Variants in TDRD1 observed in about 807,000 individuals in gnomAD.
TDRD1 encodes tudor domain-containing protein 1.
In TDRD1, 37 loss-of-function variants were observed where a neutral mutation model predicts 140.6. That is an observed-to-expected ratio of 0.26 (90% CI 0.20 to 0.35). The LOEUF (loss-of-function observed/expected upper bound fraction) is 0.35, where lower values mean the gene tolerates loss of function less well. TDRD1 is among the 10% of genes least tolerant of loss of function. The probability of loss-of-function intolerance (pLI) is 1.00; values close to 1 mark genes in which losing one functional copy is unlikely to be tolerated. For missense variants in TDRD1, 1,243 were observed against 1,393.0 expected (o/e 0.89, Z 1.71); for synonymous variants, 506 against 475.7 (o/e 1.06, Z -0.83).
At chr10:114,194,865 C>G (rs2034235304) in intron 3 of TDRD1, among the ~76,000 whole-genome samples, 1 of 144,136 alleles carries the variant, frequency 6.9e-6, no homozygotes. Context: ...CTCAAGCAAT[C>G]CCATTTGCTG....
At chr10:114,188,269 C>T in intron 2 of TDRD1, 113 bp downstream of exon 2, 5 of 865,924 alleles carry the variant, frequency 5.8e-6, no homozygotes, top group East Asian at 2.6e-5. Context: ...CACATGACTA[C>T]CTTACCGTAT....
chr10:114,183,031 T>G (rs1384896394), intron 1 of TDRD1, among the ~76,000 whole-genome samples: 1 of 152,160 alleles, frequency 6.6e-6, no homozygotes, highest in African/African-American at 2.4e-5. Flanking sequence ...AGCACCATGG[T>G]GGATATTGCA....
At chr10:114,207,635 T>C (rs1158550799) in intron 11 of TDRD1, among the ~76,000 whole-genome samples, 1 of 152,046 alleles carries the variant, frequency 6.6e-6, no homozygotes, top group Non-Finnish European at 1.5e-5. Context: ...CCGTAGGTTC[T>C]GGTGCAATAG....
At chr10:114,177,862 T>C (rs193084435), upstream of TDRD1, among the ~76,000 whole-genome samples, 271 of 150,262 alleles carry the variant, frequency 1.8e-3, 4 homozygotes, top group African/African-American at 6.2e-3. Flanking sequence ...GAGACAGTCT[T>C]GCTCTGTTGC....
chr10:114,210,017 T>C (rs2035379716), intron 11 of TDRD1, among the ~76,000 whole-genome samples: 1 of 152,214 alleles, frequency 6.6e-6, no homozygotes, highest in South Asian at 2.1e-4. Flanking sequence ...TTTTCTCTTC[T>C]GAGATACTTT....
intron 20 of TDRD1, 127 bp from the exon 21 acceptor site, chr10:114,222,460 T>C (rs994607724): frequency 4.6e-6 from 2 of 432,488 alleles, no homozygotes; most frequent in Non-Finnish European, 8.1e-6. Flanking sequence ...TATATACATG[T>C]ATATATTTTA....
exon 8 of TDRD1, chr10:114,203,532 G>A (rs755149187): frequency 3.7e-6 from 6 of 1,611,114 alleles, no homozygotes; most frequent in Middle Eastern, 1.7e-4. Context: ...TCCTGTTAAG[G>A]GGGAAGTTTG....
At chr10:114,176,150 T>G (rs2032691481), upstream of TDRD1, among the ~76,000 whole-genome samples, 1 of 152,118 alleles carries the variant, frequency 6.6e-6, no homozygotes, top group African/African-American at 2.4e-5. The surrounding 1 kb of genome is among the most constrained non-coding windows in gnomAD (Gnocchi z 4.2). Context: ...CTGGCACCAC[T>G]TGAACCTACT....
At chr10:114,204,722 G>A (rs759242867) in exon 10 of TDRD1, 1 of 1,575,480 alleles carries the variant, frequency 6.3e-7, no homozygotes, top group South Asian at 1.2e-5. Context: ...AATTTTTCAG[G>A]CCATAAAGTG....
chr10:114,204,597 C>G, intron 9 of TDRD1, 125 bp from the exon 10 acceptor site: 1 of 937,278 alleles, frequency 1.1e-6, no homozygotes, highest in Non-Finnish European at 1.5e-6. Flanking sequence ...AATTGTCTAT[C>G]TGATTAGTAC....
intron 3 of TDRD1, among the ~76,000 whole-genome samples, chr10:114,195,897 A>G (rs890532556): frequency 6.6e-6 from 1 of 152,074 alleles, no homozygotes; most frequent in East Asian, 1.9e-4. Flanking sequence ...TCAAGTGTGT[A>G]TCTTTGTATA....
At chr10:114,175,262 G>A (rs371353952), upstream of TDRD1, among the ~76,000 whole-genome samples, 1 of 152,114 alleles carries the variant, frequency 6.6e-6, no homozygotes, top group East Asian at 1.9e-4. Context: ...GAAACCTTAA[G>A]CTGTTTTCGG....
intron 6 of TDRD1, among the ~76,000 whole-genome samples, chr10:114,202,696 A>G (rs79972777): frequency 0.031 from 4,770 of 152,336 alleles, 114 homozygotes; most frequent in Admixed American, 0.047. Flanking sequence ...GTATTTATGA[A>G]TAATTTTTAG....
At chr10:114,188,195 A>T (rs751785776) in intron 2 of TDRD1, 39 bp downstream of exon 2, 3 of 1,522,016 alleles carry the variant, frequency 2.0e-6, no homozygotes, top group Non-Finnish European at 2.6e-6. Flanking sequence ...CTTCATTCTC[A>T]TGGTTTCTGT....
chr10:114,218,298 AAAGT>A (rs1260227600), intron 17 of TDRD1, 112 bp from the exon 18 acceptor site: 1 of 680,680 alleles, frequency 1.5e-6, no homozygotes, highest in Non-Finnish European at 2.3e-6. Context: ...GTGATTTGGG[AAAGT>A]AAGCAAATTT....
chr10:114,213,688 C>G, intron 15 of TDRD1, 100 bp downstream of exon 15: 1 of 1,070,550 alleles, frequency 9.3e-7, no homozygotes, highest in Non-Finnish European at 1.4e-6. Context: ...TGTTGAATGC[C>G]TTTCATCTTT....
At chr10:114,203,948 TATTA>T (rs1198749609) in intron 8 of TDRD1, 121 bp from the exon 9 acceptor site, 51 of 1,137,322 alleles carry the variant, frequency 4.5e-5, no homozygotes, top group Non-Finnish European at 3.9e-5. Context: ...TAAGTTGGCT[TATTA>T]ATTGAGTGCC....
At chr10:114,214,719 A>G (rs980859375) in intron 16 of TDRD1, among the ~76,000 whole-genome samples, 2 of 150,150 alleles carry the variant, frequency 1.3e-5, no homozygotes, top group Non-Finnish European at 3.0e-5. Flanking sequence ...CCCTCCCATC[A>G]TTACCTCTTC....
exon 4 of TDRD1, chr10:114,199,284 C>A (rs751159683): frequency 3.1e-6 from 5 of 1,612,738 alleles, no homozygotes; most frequent in Non-Finnish European, 3.4e-6. Flanking sequence ...ACCTCCTCTT[C>A]GGTCCACAAC....
Sources: gnomAD v4.1 joint callset for allele counts (sites outside exome capture counted in the v4.1 genomes callset) on GRCh38, gnomAD v4.1.1 for gene constraint, Gnocchi (gnomAD v3.1) non-coding constraint, MANE v1.5 for transcripts, NCBI Gene and HGNC (gene_info 2026-07-23, HGNC 2026-07-21) for gene names.